KIAA1217: variants seen among roughly 807,000 people sequenced by gnomAD.
KIAA1217 encodes KIAA1217, also known as sickle tail protein homolog.
In KIAA1217, 88 loss-of-function variants were observed where a neutral mutation model predicts 163.9. That is an observed-to-expected ratio of 0.54 (90% CI 0.45 to 0.64). KIAA1217 has a LOEUF of 0.64. KIAA1217 is among the 30% of genes least tolerant of loss of function. The pLI is 0.00. For synonymous variants in KIAA1217, 903 were observed against 923.1 expected, an observed-to-expected ratio of 0.98 and a Z score of 0.39; for missense variants, 2,372 against 2,475.0, an observed-to-expected ratio of 0.96 and a Z score of 0.88.
chr10:24,259,003 C>G (rs1448169755), intron 2 of KIAA1217, among the ~76,000 whole-genome samples: 3 of 152,076 alleles, frequency 2.0e-5, no homozygotes, highest in Non-Finnish European at 4.4e-5. Flanking sequence ...TCAGGGGCAG[C>G]CCGTGGAAGA....
At chr10:24,207,280 T>A (rs1270117167), upstream of KIAA1217, among the ~76,000 whole-genome samples, 7 of 98,830 alleles carry the variant, frequency 7.1e-5, no homozygotes, top group African/African-American at 5.6e-4. Context: ...TCTCTCTCTC[T>A]CTCACACACA....
intron 3 of KIAA1217, among the ~76,000 whole-genome samples, chr10:24,398,409 C>A (rs569483708): frequency 6.6e-6 from 1 of 152,040 alleles, no homozygotes; most frequent in Non-Finnish European, 1.5e-5. Context: ...GGCAAATATC[C>A]GACTTATTGG....
intron 2 of KIAA1217, among the ~76,000 whole-genome samples, chr10:24,109,561 G>A (rs927105708): frequency 3.9e-5 from 6 of 152,110 alleles, no homozygotes; most frequent in African/African-American, 1.2e-4. Context: ...GGTGGGGTAG[G>A]AAGTAAGTTC....
intron 1 of KIAA1217, among the ~76,000 whole-genome samples, chr10:23,925,204 A>G (rs1161145394): frequency 6.9e-6 from 1 of 145,982 alleles, no homozygotes; most frequent in African/African-American, 2.5e-5. Flanking sequence ...TGTCAGTAGA[A>G]GCAGAAGGAA....
chr10:23,754,415 C>G (rs1234900877), intron 1 of KIAA1217, among the ~76,000 whole-genome samples: 1 of 152,198 alleles, frequency 6.6e-6, no homozygotes, highest in African/African-American at 2.4e-5. Flanking sequence ...CAGACTGAAG[C>G]TTTGCTAGAA....
At chr10:23,866,125 T>G (rs1196694411) in intron 1 of KIAA1217, among the ~76,000 whole-genome samples, 20 of 152,154 alleles carry the variant, frequency 1.3e-4, no homozygotes, top group Admixed American at 1.3e-3. Flanking sequence ...ATAAATAAAG[T>G]AACCTCTGCT....
At chr10:24,149,857 C>A (rs901443915) in intron 2 of KIAA1217, among the ~76,000 whole-genome samples, 1 of 151,652 alleles carries the variant, frequency 6.6e-6, no homozygotes, top group African/African-American at 2.4e-5. Flanking sequence ...TGTCGCAATA[C>A]CCCCAAAATA....
At position 24,177,190 on chromosome 10, in the gene KIAA1217, T is replaced by G. The variant is rs530462726; in HGVS notation, c.-170-42436T>G. On this transcript the variant is annotated intron_variant, in intron 2 of 18. Coordinates refer to the KIAA1217 transcript ENST00000376462. ...AAGGGCTCCTCAAGCATGACCAGAG[T>G]GGACGCCAAGCCTGAGGAGGCACCG... Among the ~76,000 whole-genome samples the G allele has an allele frequency of 2.8e-5, 4 of 144,756 alleles. No homozygotes were observed. In the East Asian group the frequency reaches 6.5e-4, roughly 23 times the overall value. The allele number at this position is 144,756 out of a possible 152,430, so 95.0% of individuals were successfully genotyped here. A position where few individuals can be genotyped will look rare whatever the true frequency, so the allele number is the denominator to read the frequency against.
intron 1 of KIAA1217, among the ~76,000 whole-genome samples, chr10:23,933,559 T>A (rs7071545): frequency 0.42 from 63,181 of 152,072 alleles, 16,493 homozygotes; most frequent in African/African-American, 0.74. Flanking sequence ...CTAATTAAAC[T>A]AAGAGCTCTG....
chr10:23,974,890 C>CG (rs913712908), intron 1 of KIAA1217, among the ~76,000 whole-genome samples: 2 of 151,774 alleles, frequency 1.3e-5, no homozygotes, highest in African/African-American at 2.4e-5. Context: ...CCTTCCCCCC[C>CG]CCATAGATAG....
At chr10:24,094,649 A>G (rs1457898401) in intron 2 of KIAA1217, among the ~76,000 whole-genome samples, 1 of 152,056 alleles carries the variant, frequency 6.6e-6, no homozygotes, top group East Asian at 1.9e-4. Context: ...CTACTGGGGG[A>G]TGCCTCCCAG....
intron 2 of KIAA1217, among the ~76,000 whole-genome samples, chr10:24,230,152 G>T (rs1323013514): frequency 6.6e-6 from 1 of 152,058 alleles, no homozygotes; most frequent in Admixed American, 6.6e-5. Context: ...ACTGTAAGGA[G>T]AACGTATTAT....
At chr10:24,538,407 G>A (rs923226060) in intron 17 of KIAA1217, among the ~76,000 whole-genome samples, 3 of 152,116 alleles carry the variant, frequency 2.0e-5, no homozygotes, top group Admixed American at 6.6e-5. Context: ...GCCTGGCATG[G>A]TGGCTCACAC....
intron 2 of KIAA1217, among the ~76,000 whole-genome samples, chr10:24,174,990 T>G (rs965186016): frequency 6.6e-6 from 1 of 151,226 alleles, no homozygotes; most frequent in African/African-American, 2.4e-5. Flanking sequence ...TCCAAGCAGA[T>G]GGATTACAGG....
chr10:23,748,479 A>G (rs1197180605), intron 1 of KIAA1217, among the ~76,000 whole-genome samples: 1 of 142,710 alleles, frequency 7.0e-6, no homozygotes, highest in Non-Finnish European at 1.5e-5. Flanking sequence ...GAAGGAAGGA[A>G]GGAAGGAAGG....
At chr10:24,154,332 T>C in intron 2 of KIAA1217, among the ~76,000 whole-genome samples, 1 of 151,634 alleles carries the variant, frequency 6.6e-6, no homozygotes, top group East Asian at 1.9e-4. Flanking sequence ...GAGGCTGAGG[T>C]ATGAGGATTG....
intron 1 of KIAA1217, among the ~76,000 whole-genome samples, chr10:23,696,653 A>G (rs1420151777): frequency 6.6e-6 from 1 of 152,190 alleles, no homozygotes; most frequent in Non-Finnish European, 1.5e-5. Context: ...AGTCTGTGCT[A>G]GAAGTGGTTT....
At chr10:24,447,914 G>A (rs529043721) in intron 5 of KIAA1217, among the ~76,000 whole-genome samples, 11 of 152,170 alleles carry the variant, frequency 7.2e-5, no homozygotes, top group Admixed American at 2.6e-4. Context: ...GGCAGATCAC[G>A]AGGTCAAGAG....
At chr10:24,010,940 T>C (rs1379296752) in intron 2 of KIAA1217, among the ~76,000 whole-genome samples, 1 of 152,134 alleles carries the variant, frequency 6.6e-6, no homozygotes, top group Non-Finnish European at 1.5e-5. Flanking sequence ...CTACAGCAAC[T>C]ACTTTTTGAA....
Sources: allele counts gnomAD v4.1 joint callset (sites outside exome capture counted in the v4.1 genomes callset), GRCh38; gene constraint gnomAD v4.1.1; transcripts MANE v1.5; gene names NCBI Gene and HGNC (gene_info 2026-07-23, HGNC 2026-07-21).